Variants in COL24A1 observed in about 807,000 individuals in gnomAD.
COL24A1 encodes the protein collagen type XXIV alpha 1 chain.
A neutral mutation model predicts 253.9 loss-of-function variants in COL24A1; 224 were observed. The ratio of observed to expected loss-of-function variants is 0.88; its 90% CI spans 0.79 to 0.99. The LOEUF is 0.99. Ranked by LOEUF, COL24A1 falls within the 50% of genes least tolerant of loss-of-function variation. COL24A1 has a pLI of 0.00. For synonymous variants in COL24A1, 685 were observed against 673.7 expected, an observed-to-expected ratio of 1.02 and a Z score of -0.26; for missense variants, 2,131 against 2,068.5, an observed-to-expected ratio of 1.03 and a Z score of -0.59.
intron 7 of COL24A1, among the ~76,000 whole-genome samples, chr1:86,066,939 A>C (rs961004667): frequency 6.6e-6 from 1 of 152,074 alleles, no homozygotes; most frequent in African/African-American, 2.4e-5. Flanking sequence ...GTAGTTCCAG[A>C]CCAGCCTGGC....
At chr1:85,924,154 G>A (rs1030612133) in intron 24 of COL24A1, among the ~76,000 whole-genome samples, 7 of 152,138 alleles carry the variant, frequency 4.6e-5, no homozygotes, top group African/African-American at 1.7e-4. Context: ...CCAATAACAA[G>A]TTCTGAAATT....
At chr1:85,840,718 A>C (rs929035141) in intron 42 of COL24A1, among the ~76,000 whole-genome samples, 9 of 152,280 alleles carry the variant, frequency 5.9e-5, no homozygotes, top group Middle Eastern at 3.4e-3. Flanking sequence ...GGTTATAGTT[A>C]ACCCTTAAAA....
chr1:86,082,378 T>C (rs1007775764), intron 7 of COL24A1, among the ~76,000 whole-genome samples: 4 of 152,256 alleles, frequency 2.6e-5, no homozygotes, highest in Admixed American at 6.5e-5. Context: ...CCTTTGCTTA[T>C]GCATTATCTA....
intron 24 of COL24A1, among the ~76,000 whole-genome samples, chr1:85,949,444 C>A (rs1271156738): frequency 1.3e-5 from 2 of 152,014 alleles, no homozygotes; most frequent in African/African-American, 4.8e-5. Flanking sequence ...GATATATATA[C>A]AGAGATGGAA....
At chr1:86,072,845 G>T (rs1266052338) in intron 7 of COL24A1, among the ~76,000 whole-genome samples, 3 of 152,110 alleles carry the variant, frequency 2.0e-5, no homozygotes, top group African/African-American at 7.2e-5. Flanking sequence ...AGGCAAACAG[G>T]GTCTGGAGTG....
At chr1:85,890,707 A>G (rs1234721511) in intron 31 of COL24A1, among the ~76,000 whole-genome samples, 1 of 152,108 alleles carries the variant, frequency 6.6e-6, no homozygotes, top group Admixed American at 6.5e-5. Flanking sequence ...GAATTTCTTT[A>G]TAGTTTTAAT....
At chr1:85,794,824 T>C (rs2101708566) in intron 47 of COL24A1, among the ~76,000 whole-genome samples, 1 of 152,220 alleles carries the variant, frequency 6.6e-6, no homozygotes, top group African/African-American at 2.4e-5. Flanking sequence ...AGCTTACATG[T>C]GTATTAAAAA....
intron 2 of COL24A1, among the ~76,000 whole-genome samples, chr1:86,135,951 T>C (rs1408821997): frequency 1.3e-5 from 2 of 152,084 alleles, no homozygotes; most frequent in African/African-American, 4.8e-5. Flanking sequence ...AAGAAGAGGA[T>C]GGGCTGTGAC....
At chr1:85,910,104 T>C in intron 25 of COL24A1, 101 bp from the exon 26 acceptor site, 1 of 709,790 alleles carries the variant, frequency 1.4e-6, no homozygotes, top group Non-Finnish European at 2.3e-6. Flanking sequence ...AATCATGTCT[T>C]ACATGCATAC....
chr1:85,865,260 A>C (rs1679655864), intron 37 of COL24A1, among the ~76,000 whole-genome samples: 1 of 152,170 alleles, frequency 6.6e-6, no homozygotes, highest in African/African-American at 2.4e-5. Context: ...AAGAATTTTT[A>C]AAGTGCAAAA....
chr1:86,139,716 A>G (rs1486926544), intron 2 of COL24A1, among the ~76,000 whole-genome samples: 1 of 152,192 alleles, frequency 6.6e-6, no homozygotes, highest in African/African-American at 2.4e-5. Context: ...TGTCTTGATC[A>G]GTTACATCCC....
At chr1:86,035,391 T>C (rs1463747502) in intron 12 of COL24A1, among the ~76,000 whole-genome samples, 3 of 152,130 alleles carry the variant, frequency 2.0e-5, no homozygotes, top group African/African-American at 4.8e-5. Flanking sequence ...CTACAGTAAG[T>C]CTGAAACATA....
In COL24A1 at chr1:85,847,684, C is replaced by T; in HGVS notation, c.3443G>A (p.Arg1148Lys). Residue 1148 changes from arginine to lysine, a missense_variant, in exon 39 of 60, where the codon AGA (arginine) becomes AAA (lysine). By Grantham distance (26) the Arg-to-Lys change is conservative. Coordinates refer to ENST00000370571, the MANE Select transcript of COL24A1 (RefSeq NM_152890.7). Reference sequence around the variant, plus strand: ...ACTGACCACAGCACCTCTAGTTCCTCTGGCACCCTTAGGACCACTTTTCCC... The same window carrying T: ...ACTGACCACAGCACCTCTAGTTCCTTTGGCACCCTTAGGACCACTTTTCCC... ...KIGKSGPKGA[R>K]GTRGAVGHLG... The T allele has an allele frequency of 1.2e-6, 2 of 1,613,510 alleles. No homozygotes were observed. Among genetic ancestry groups the T allele is most frequent in the Non-Finnish European group, 8.5e-7 (1 of 1,179,592 alleles).
chr1:85,921,141 C>T (rs1429225362), intron 24 of COL24A1, among the ~76,000 whole-genome samples: 1 of 152,124 alleles, frequency 6.6e-6, no homozygotes, highest in Non-Finnish European at 1.5e-5. Context: ...ATCGCCTCAC[C>T]TGGGAAGTGC....
chr1:86,143,235 A>G (rs925259495), intron 2 of COL24A1, among the ~76,000 whole-genome samples: 8 of 152,214 alleles, frequency 5.3e-5, no homozygotes, highest in Non-Finnish European at 1.2e-4. Context: ...CATCTAACAC[A>G]GATATCAGCT....
At chr1:86,046,072 C>A (rs574457053) in intron 12 of COL24A1, among the ~76,000 whole-genome samples, 1 of 152,268 alleles carries the variant, frequency 6.6e-6, no homozygotes, top group South Asian at 2.1e-4. Context: ...ACTCTATTTT[C>A]CCTTCAAAGA....
intron 2 of COL24A1, among the ~76,000 whole-genome samples, chr1:86,131,064 T>G (rs1649099295): frequency 6.6e-6 from 1 of 151,988 alleles, no homozygotes; most frequent in Non-Finnish European, 1.5e-5. Flanking sequence ...TTTATTTCCT[T>G]GAATATCTTG....
chr1:86,001,091 A>G (rs771799789), intron 19 of COL24A1, among the ~76,000 whole-genome samples: 1 of 151,662 alleles, frequency 6.6e-6, no homozygotes, highest in Admixed American at 6.6e-5. Context: ...ATCTTGGAAC[A>G]CCTCTAATAT....
chr1:86,046,206 G>A (rs1699887194), intron 12 of COL24A1, among the ~76,000 whole-genome samples: 1 of 152,088 alleles, frequency 6.6e-6, no homozygotes, highest in Admixed American at 6.6e-5. Context: ...AAGTTGTAAT[G>A]AAAATCTCAC....
Sources: allele counts gnomAD v4.1 joint callset (sites outside exome capture counted in the v4.1 genomes callset), GRCh38; gene constraint gnomAD v4.1.1; transcripts MANE v1.5; gene names NCBI Gene and HGNC (gene_info 2026-07-23, HGNC 2026-07-21).